The following FNBP1L variants were observed in gnomAD, a reference collection of about 807,000 sequenced individuals.
The protein encoded by FNBP1L is formin-binding protein 1-like.
FNBP1L carries 36 observed loss-of-function variants against 91.2 expected under a neutral mutation model. The observed-to-expected ratio is 0.39, with a 90% CI of 0.30 to 0.52. The LOEUF (loss-of-function observed/expected upper bound fraction) is 0.52, where lower values mean the gene tolerates loss of function less well. Among genes scored for constraint, FNBP1L ranks in the 20% least tolerant of loss-of-function variants. The pLI, the probability that FNBP1L is intolerant of heterozygous loss-of-function variation, is 0.66. For missense variants in FNBP1L, 571 were observed against 732.1 expected, an observed-to-expected ratio of 0.78 and a Z score of 2.54; for synonymous variants, 242 against 237.0, an observed-to-expected ratio of 1.02 and a Z score of -0.19.
intron 1 of FNBP1L, among the ~76,000 whole-genome samples, chr1:93,460,791 G>A (rs2101687848): frequency 6.6e-6 from 1 of 152,312 alleles, no homozygotes; most frequent in East Asian, 1.9e-4. Context: ...GAGAAGTGGG[G>A]AGATGTTTGT....
chr1:93,516,080 A>T (rs1183107405), intron 2 of FNBP1L, among the ~76,000 whole-genome samples: 1 of 152,176 alleles, frequency 6.6e-6, no homozygotes, highest in Admixed American at 6.5e-5. Context: ...TTGGATTTAC[A>T]TATATAGTTT....
At chr1:93,489,646 TAAATG>T (rs1042635040) in intron 1 of FNBP1L, among the ~76,000 whole-genome samples, 7 of 152,166 alleles carry the variant, frequency 4.6e-5, no homozygotes, top group Middle Eastern at 3.4e-3. Context: ...AAGAAAAAAT[TAAATG>T]AAAAGACTTG....
intron 2 of FNBP1L, among the ~76,000 whole-genome samples, chr1:93,516,148 TA>T (rs1213773559): frequency 6.6e-6 from 1 of 152,178 alleles, no homozygotes; most frequent in East Asian, 1.9e-4. Context: ...GATTTAAAAT[TA>T]CCACAGAGCA....
At chr1:93,495,073 T>G (rs991579947) in intron 1 of FNBP1L, among the ~76,000 whole-genome samples, 2 of 152,190 alleles carry the variant, frequency 1.3e-5, no homozygotes, top group African/African-American at 4.8e-5. Context: ...TATCAATCAT[T>G]AGCACTAACT....
At chr1:93,495,007 CAT>C (rs71586797) in intron 1 of FNBP1L, among the ~76,000 whole-genome samples, 23,361 of 152,124 alleles carry the variant, frequency 0.15, 1,984 homozygotes, top group Middle Eastern at 0.19. Flanking sequence ...CATCCCATGA[CAT>C]GTGGGGATTA....
At chr1:93,457,747 TTTTTA>T (rs1352205940) in intron 1 of FNBP1L, among the ~76,000 whole-genome samples, 3 of 151,180 alleles carry the variant, frequency 2.0e-5, no homozygotes, top group South Asian at 4.1e-4. Flanking sequence ...AGGAATTTAT[TTTTTA>T]TTTTATTTTA....
chr1:93,472,527 C>T (rs1162747997), intron 1 of FNBP1L, among the ~76,000 whole-genome samples: 1 of 151,256 alleles, frequency 6.6e-6, no homozygotes, highest in East Asian at 1.9e-4. Context: ...AAAAAAAAAT[C>T]CTCGGCCGGG....
intron 1 of FNBP1L, among the ~76,000 whole-genome samples, chr1:93,481,333 T>C (rs1051521349): frequency 3.3e-5 from 5 of 152,166 alleles, no homozygotes; most frequent in African/African-American, 1.2e-4. Flanking sequence ...TCATACCCAA[T>C]CTTTATTATC....
intron 1 of FNBP1L, among the ~76,000 whole-genome samples, chr1:93,466,825 T>C (rs768495543): frequency 9.9e-5 from 15 of 152,204 alleles, no homozygotes; most frequent in Non-Finnish European, 2.2e-4. Flanking sequence ...TGATTCTTCC[T>C]ATCCATGAGC....
chr1:93,497,664 G>T (rs1670312363), intron 1 of FNBP1L, among the ~76,000 whole-genome samples: 1 of 152,064 alleles, frequency 6.6e-6, no homozygotes, highest in Non-Finnish European at 1.5e-5. Flanking sequence ...CTATTGCCCA[G>T]ACTGGAGTGC....
intron 1 of FNBP1L, among the ~76,000 whole-genome samples, chr1:93,470,833 A>G (rs1669258747): frequency 6.7e-6 from 1 of 150,114 alleles, no homozygotes; most frequent in African/African-American, 2.5e-5. Flanking sequence ...AGATCGTGCC[A>G]CTGCACTGCA....
chr1:93,514,995 G>A (rs1489490518), intron 2 of FNBP1L, among the ~76,000 whole-genome samples: 3 of 152,126 alleles, frequency 2.0e-5, no homozygotes. Context: ...TACAAAATGG[G>A]AGAAAATTTT....
intron 3 of FNBP1L, among the ~76,000 whole-genome samples, chr1:93,522,478 G>A (rs543958390): frequency 6.6e-6 from 1 of 152,150 alleles, no homozygotes; most frequent in South Asian, 2.1e-4. Flanking sequence ...CTTATAGATA[G>A]TAAAACAATT....
intron 2 of FNBP1L, among the ~76,000 whole-genome samples, chr1:93,500,134 T>C (rs1050777781): frequency 1.3e-5 from 2 of 152,210 alleles, no homozygotes; most frequent in Admixed American, 6.5e-5. Flanking sequence ...CTGGAACTTA[T>C]TCAGTAAAAA....
chr1:93,502,292 C>T (rs1557795272), intron 2 of FNBP1L, among the ~76,000 whole-genome samples: 1 of 152,054 alleles, frequency 6.6e-6, no homozygotes, highest in Non-Finnish European at 1.5e-5. Context: ...GAATTGTAGT[C>T]TTTTCAATGA....
chr1:93,530,630 T>C, intron 6 of FNBP1L, 125 bp from the exon 7 acceptor site: 1 of 963,762 alleles, frequency 1.0e-6, no homozygotes, highest in Admixed American at 3.0e-5. Flanking sequence ...TTATGCCACG[T>C]CATTATTCTT....
chr1:93,517,561 G>A (rs1671172216), intron 2 of FNBP1L, among the ~76,000 whole-genome samples: 1 of 152,134 alleles, frequency 6.6e-6, no homozygotes, highest in Admixed American at 6.5e-5. Context: ...TACTCAATTT[G>A]GTTGTCTCAG....
chr1:93,529,802 T>C (rs1333847339), intron 6 of FNBP1L, 46 bp downstream of exon 6: 3 of 1,174,060 alleles, frequency 2.6e-6, no homozygotes. Context: ...TATTATTATT[T>C]GCATAAGGAA....
chr1:93,494,074 A>G (rs551695568), intron 1 of FNBP1L, among the ~76,000 whole-genome samples: 4 of 152,246 alleles, frequency 2.6e-5, no homozygotes, highest in East Asian at 1.9e-4. Flanking sequence ...TCAAGCATCA[A>G]TTGCAGGTCC....
Sources: allele counts gnomAD v4.1 joint callset (sites outside exome capture counted in the v4.1 genomes callset), GRCh38; gene constraint gnomAD v4.1.1; transcripts MANE v1.5; gene names NCBI Gene and HGNC (gene_info 2026-07-23, HGNC 2026-07-21).